The following HSD17B12 variants were observed in gnomAD, a reference collection of about 807,000 sequenced individuals.
HSD17B12 encodes the protein very-long-chain 3-oxoacyl-CoA reductase.
A neutral mutation model predicts 39.3 loss-of-function variants in HSD17B12; 32 were observed. The ratio of observed to expected loss-of-function variants is 0.81; its 90% CI spans 0.61 to 1.09. The LOEUF (loss-of-function observed/expected upper bound fraction) is 1.09. Among genes scored for constraint, HSD17B12 ranks in the 50% least tolerant of loss-of-function variants. The pLI is 0.00. For missense variants in HSD17B12, 342 were observed against 382.9 expected, an observed-to-expected ratio of 0.89 and a Z score of 0.89; for synonymous variants, 150 against 146.7, an observed-to-expected ratio of 1.02 and a Z score of -0.16.
chr11:43,574,733 C>T, the HSD17B12 span, among the ~76,000 whole-genome samples: 2 of 152,158 alleles, frequency 1.3e-5, no homozygotes. Context: ...ATCCATTGAG[C>T]TCATTTTTCA....
chr11:43,581,295 C>T, the HSD17B12 span: 1 of 466,304 alleles, frequency 2.1e-6, no homozygotes, highest in Admixed American at 2.3e-5. The surrounding 1 kb of genome is among the most constrained non-coding windows in gnomAD (Gnocchi z 4.9). Context: ...GAGACTGAGC[C>T]GCGATGGAAC....
chr11:43,661,156 A>G, the HSD17B12 span, among the ~76,000 whole-genome samples: 1 of 152,182 alleles, frequency 6.6e-6, no homozygotes, highest in Non-Finnish European at 1.5e-5. Context: ...CAGACTGCCA[A>G]TACACACCAC....
intron 1 of HSD17B12, among the ~76,000 whole-genome samples, chr11:43,713,374 T>G (rs1415654307): frequency 6.7e-6 from 1 of 149,846 alleles, no homozygotes; most frequent in Non-Finnish European, 1.5e-5. Flanking sequence ...TGAGAACATG[T>G]GGTGTTTGGT....
the HSD17B12 span, among the ~76,000 whole-genome samples, chr11:43,627,101 A>G: frequency 2.8e-3 from 431 of 152,086 alleles, 3 homozygotes; most frequent in African/African-American, 9.6e-3. Context: ...TCATCTAGAC[A>G]TGTTGACATT....
At chr11:43,786,095 T>G (rs986091317) in intron 3 of HSD17B12, among the ~76,000 whole-genome samples, 110 of 152,348 alleles carry the variant, frequency 7.2e-4, no homozygotes, top group African/African-American at 2.6e-3. Flanking sequence ...TCATTCATTT[T>G]TGATAATATG....
In HSD17B12 at chr11:43,855,273, G is replaced by T. The variant is rs780805754; in HGVS notation, c.*25G>T. ...AGCATTGATAACTGCATTGTAACTT[G>T]GCCAGATGCTCCAGCATATGCACGT... On this transcript the variant is annotated 3_prime_UTR_variant, in exon 11 of 11. Transcript: ENST00000278353. 8 of 1,458,192 alleles carry T rather than the reference G, an allele frequency of 5.5e-6. 1 individual carries two copies. The East Asian group carries it at 1.6e-4, about 29-fold the overall frequency. The allele number at this position is 1,458,192 out of a possible 1,614,324, so 90.3% of individuals were successfully genotyped here.
the HSD17B12 span, among the ~76,000 whole-genome samples, chr11:43,575,099 C>A: frequency 6.6e-6 from 1 of 152,188 alleles, no homozygotes; most frequent in South Asian, 2.1e-4. This position sits in a 1 kb window ranked among gnomAD's most constrained non-coding sequence, Gnocchi z 4.1. Context: ...CCCTAAATGG[C>A]TGCTGGCCAT....
intron 3 of HSD17B12, chr11:43,754,914 C>T (rs1361712066): frequency 9.2e-6 from 7 of 759,384 alleles, no homozygotes; most frequent in East Asian, 4.9e-5. Flanking sequence ...GGCAAAGACT[C>T]TTAACTAACT....
In HSD17B12 at chr11:43,839,999, A is replaced by G; in HGVS notation, c.619A>G (p.Thr207Ala). Residue 207 changes from threonine to alanine, a missense_variant and splice_region_variant, in exon 9 of 11, where the codon ACT becomes GCT. Thr to Ala is a moderately conservative substitution (Grantham distance 58). Transcript: ENST00000278353. ...PLLTIYSATK[T>A]FVDFFSQCLH... Reference sequence around the variant, plus strand: ...CTTCTCACTCCCACTCCCCTCCCAGACTTTTGTAGATTTCTTCTCTCAGTG... The same window carrying G: ...CTTCTCACTCCCACTCCCCTCCCAGGCTTTTGTAGATTTCTTCTCTCAGTG... The G allele has an allele frequency of 1.2e-6, 2 of 1,612,004 alleles. No individual in the cohort carries two copies. The highest frequency in any genetic ancestry group is 1.3e-5 in the African/African-American group (1 of 74,906).
At chr11:43,704,683 G>A (rs1949997716) in intron 1 of HSD17B12, among the ~76,000 whole-genome samples, 1 of 152,188 alleles carries the variant, frequency 6.6e-6, no homozygotes, top group Non-Finnish European at 1.5e-5. Flanking sequence ...CGCAGTTCTG[G>A]ACAATGAGAT....
chr11:43,688,517 C>T (rs1949823134), intron 1 of HSD17B12, among the ~76,000 whole-genome samples: 1 of 152,202 alleles, frequency 6.6e-6, no homozygotes, highest in Non-Finnish European at 1.5e-5. Context: ...TTTTTGTCTA[C>T]AAAACAATGC....
chr11:43,648,650 A>C, the HSD17B12 span, among the ~76,000 whole-genome samples: 2 of 152,224 alleles, frequency 1.3e-5, no homozygotes, highest in African/African-American at 4.8e-5. Flanking sequence ...CAATCTAAAA[A>C]AATTTTTTTT....
At chr11:43,713,510 T>C (rs1468731671) in intron 1 of HSD17B12, among the ~76,000 whole-genome samples, 1 of 152,140 alleles carries the variant, frequency 6.6e-6, no homozygotes. Context: ...TGCCACATTT[T>C]CTTAATCCAG....
intron 3 of HSD17B12, among the ~76,000 whole-genome samples, chr11:43,772,580 G>C (rs1831789822): frequency 6.6e-6 from 1 of 152,184 alleles, no homozygotes; most frequent in African/African-American, 2.4e-5. Flanking sequence ...TGCTTTGGTA[G>C]ATGAAAGAAA....
chr11:43,680,845 C>T lies in HSD17B12; in HGVS notation c.18C>T (p.Pro6=), dbSNP rs1256241515. Residue 6 remains proline, a synonymous_variant, in exon 1 of 11, where the codon CCC becomes CCT. Transcript: ENST00000278353. Reference sequence around the variant, plus strand: ...GGAAAGCCATGGAGAGCGCTCTCCCCGCCGCCGGCTTCCTGTACTGGGTCG... The same window carrying T: ...GGAAAGCCATGGAGAGCGCTCTCCCTGCCGCCGGCTTCCTGTACTGGGTCG... MESAL[P]AAGFLYWVGA... is the part of the protein sequence containing the mutation. The T allele has an allele frequency of 1.2e-6, 2 of 1,614,164 alleles. No individual in the cohort carries two copies. The highest frequency in any genetic ancestry group is 1.7e-6 in the Non-Finnish European group (2 of 1,180,032).
intron 2 of HSD17B12, among the ~76,000 whole-genome samples, chr11:43,751,433 G>A (rs1950463842): frequency 6.6e-6 from 1 of 152,170 alleles, no homozygotes; most frequent in Non-Finnish European, 1.5e-5. Flanking sequence ...GAACAGGAGA[G>A]CATCATAGTT....
the HSD17B12 span, among the ~76,000 whole-genome samples, chr11:43,636,523 A>G: frequency 6.6e-6 from 1 of 152,174 alleles, no homozygotes; most frequent in South Asian, 2.1e-4. Context: ...CATTACATGA[A>G]TAAATGGTCT....
chr11:43,573,697 T>C, the HSD17B12 span, among the ~76,000 whole-genome samples: 2 of 152,234 alleles, frequency 1.3e-5, no homozygotes, highest in African/African-American at 2.4e-5. Flanking sequence ...AGCAGTTACA[T>C]TCTAAAGTGC....
intron 1 of HSD17B12, among the ~76,000 whole-genome samples, chr11:43,702,494 T>C (rs1047673800): frequency 6.6e-6 from 1 of 152,172 alleles, no homozygotes; most frequent in Non-Finnish European, 1.5e-5. Context: ...CTATACCCAG[T>C]TTTTTGAAGG....
Sources: gnomAD v4.1 joint callset for allele counts (sites outside exome capture counted in the v4.1 genomes callset) on GRCh38, gnomAD v4.1.1 for gene constraint, Gnocchi (gnomAD v3.1) non-coding constraint, MANE v1.5 for transcripts, NCBI Gene and HGNC (gene_info 2026-07-23, HGNC 2026-07-21) for gene names.